The following TMTC1 variants were observed in gnomAD, a reference collection of about 807,000 sequenced individuals.
The protein encoded by TMTC1 is transmembrane O-mannosyltransferase targeting cadherins 1.
In TMTC1, 73 loss-of-function variants were observed where a neutral mutation model predicts 104.8. The ratio of observed to expected loss-of-function variants is 0.70; its 90% CI spans 0.58 to 0.85. The LOEUF is 0.85. TMTC1 is among the 40% of genes least tolerant of loss of function. TMTC1 has a pLI of 0.00. For missense variants in TMTC1, 1,035 were observed against 1,096.1 expected, an observed-to-expected ratio of 0.94 and a Z score of 0.79; for synonymous variants, 434 against 428.7, an observed-to-expected ratio of 1.01 and a Z score of -0.15.
intron 10 of TMTC1, among the ~76,000 whole-genome samples, chr12:29,543,205 T>C (rs527790171): frequency 2.6e-5 from 4 of 152,362 alleles, no homozygotes; most frequent in South Asian, 2.1e-4. Context: ...CTGTTTTTCC[T>C]GTGTGTTAAG....
chr12:29,692,316 G>A (rs538965398), intron 5 of TMTC1, among the ~76,000 whole-genome samples: 2 of 143,628 alleles, frequency 1.4e-5, no homozygotes, highest in African/African-American at 5.1e-5. Context: ...CTCCTCTATT[G>A]TTTGTTCTAT....
At position 29,506,020 on chromosome 12, in the gene TMTC1, A is replaced by G. The variant is rs966635128; in HGVS notation, c.*826T>C. On this transcript the variant is annotated 3_prime_UTR_variant, in exon 18 of 18. Coordinates refer to ENST00000539277, the MANE Select transcript of TMTC1 (RefSeq NM_001193451.2). ...TTTAATTTTTTATGTAGAATATACTATTTTTTTCTCCACCAAAATAACAAT... is the reference window on the plus strand; with the variant it reads ...TTTAATTTTTTATGTAGAATATACTGTTTTTTTCTCCACCAAAATAACAAT... The G allele has an allele frequency of 3.9e-5, 6 of 152,144 alleles. No homozygotes were observed. Among genetic ancestry groups the G allele is most frequent in the Non-Finnish European group, 5.9e-5 (4 of 68,016 alleles). 9.4% of individuals were successfully genotyped at this position (152,144 alleles called of 1,614,324 possible).
intron 6 of TMTC1, among the ~76,000 whole-genome samples, chr12:29,630,446 A>T (rs1938239291): frequency 6.6e-6 from 1 of 152,144 alleles, no homozygotes; most frequent in Non-Finnish European, 1.5e-5. Flanking sequence ...CCCATGAGTC[A>T]ATTACCTCTC....
chr12:29,782,165 C>CAAGG (rs1272121916), intron 1 of TMTC1, among the ~76,000 whole-genome samples: 22 of 152,352 alleles, frequency 1.4e-4, no homozygotes, highest in South Asian at 2.1e-4. Flanking sequence ...CGAGGTTAGC[C>CAAGG]AAGGTTATCT....
intron 8 of TMTC1, among the ~76,000 whole-genome samples, chr12:29,579,096 G>A (rs1016620826): frequency 1.4e-4 from 22 of 152,114 alleles, no homozygotes; most frequent in African/African-American, 4.8e-4. Flanking sequence ...CCAATAAATC[G>A]TTGAGCAGAT....
Position 29,692,545 on chromosome 12 carries a change from T to C in TMTC1, c.938+59121A>G, listed in dbSNP as rs1181012526. Among the ~76,000 whole-genome samples the C allele has an allele frequency of 1.4e-5, 2 of 145,282 alleles. 1 individual carries two copies. The highest frequency in any genetic ancestry group is 3.0e-5 in the Non-Finnish European group (2 of 66,270). ...GGAAACTGGAACCTTTATACATTAC[T>C]GGTAGGATATGTCAACTGGTACAAG... On this transcript the variant is annotated intron_variant, in intron 5 of 17. Coordinates refer to ENST00000539277, the MANE Select transcript of TMTC1 (RefSeq NM_001193451.2).
chr12:29,689,096 G>C (rs1022003950), intron 5 of TMTC1, among the ~76,000 whole-genome samples: 1 of 152,118 alleles, frequency 6.6e-6, no homozygotes, highest in African/African-American at 2.4e-5. Context: ...ACTATTTTAG[G>C]CCACACAGAT....
chr12:29,742,500 T>C (rs1021231272), intron 5 of TMTC1, among the ~76,000 whole-genome samples: 1 of 152,132 alleles, frequency 6.6e-6, no homozygotes, highest in Non-Finnish European at 1.5e-5. Flanking sequence ...ATAAATAGTA[T>C]CAAAAATTCA....
intron 2 of TMTC1, among the ~76,000 whole-genome samples, chr12:29,763,303 G>T (rs1257211729): frequency 6.6e-6 from 1 of 152,166 alleles, no homozygotes; most frequent in African/African-American, 2.4e-5. Flanking sequence ...AAACCACTAA[G>T]CATGCACTGA....
At chr12:29,728,607 T>C (rs1277608902) in intron 5 of TMTC1, among the ~76,000 whole-genome samples, 1 of 151,970 alleles carries the variant, frequency 6.6e-6, no homozygotes, top group East Asian at 1.9e-4. Context: ...CAGCATTTGG[T>C]AGAAACGCTG....
chr12:29,732,074 T>C (rs1942558698), intron 5 of TMTC1, among the ~76,000 whole-genome samples: 1 of 152,208 alleles, frequency 6.6e-6, no homozygotes, highest in Admixed American at 6.5e-5. Context: ...GTTGTAACTT[T>C]TTTTTAAAAG....
intron 8 of TMTC1, among the ~76,000 whole-genome samples, chr12:29,580,753 G>A (rs1005094764): frequency 6.6e-6 from 1 of 152,152 alleles, no homozygotes; most frequent in Admixed American, 6.6e-5. Context: ...AGACCTACAA[G>A]AGCATGATCC....
chr12:29,731,243 G>T (rs932638888), intron 5 of TMTC1, among the ~76,000 whole-genome samples: 1 of 152,116 alleles, frequency 6.6e-6, no homozygotes, highest in Middle Eastern at 3.2e-3. Context: ...TGCAACCTCC[G>T]CCTCCTGGAT....
intron 5 of TMTC1, among the ~76,000 whole-genome samples, chr12:29,633,858 T>C (rs1442357091): frequency 6.6e-6 from 1 of 152,152 alleles, no homozygotes; most frequent in East Asian, 1.9e-4. Flanking sequence ...ACAGGGACAA[T>C]GGATGGAGGA....
intron 7 of TMTC1, among the ~76,000 whole-genome samples, chr12:29,596,418 G>A (rs890374852): frequency 5.9e-5 from 9 of 152,110 alleles, no homozygotes; most frequent in Admixed American, 6.5e-5. Context: ...GTGATCCCAC[G>A]TCATTGTTCC....
At chr12:29,766,587 T>C (rs1490104295) in intron 2 of TMTC1, among the ~76,000 whole-genome samples, 1 of 152,176 alleles carries the variant, frequency 6.6e-6, no homozygotes, top group Non-Finnish European at 1.5e-5. Context: ...CAGAGGCTTG[T>C]ACACCTGGGG....
chr12:29,633,393 G>T, intron 5 of TMTC1, 57 bp from the exon 6 acceptor site: 1 of 1,409,744 alleles, frequency 7.1e-7, no homozygotes, highest in Non-Finnish European at 9.7e-7. Context: ...CATTCTGTAA[G>T]CGTTCAGTCA....
chr12:29,518,388 A>G (rs1944050988), intron 13 of TMTC1, 84 bp downstream of exon 13: 4 of 1,465,794 alleles, frequency 2.7e-6, no homozygotes, highest in Non-Finnish European at 3.6e-6. Context: ...TTCTGAGAGC[A>G]CACCTATTCT....
intron 5 of TMTC1, among the ~76,000 whole-genome samples, chr12:29,680,596 G>C (rs1001802751): frequency 1.3e-5 from 2 of 152,152 alleles, no homozygotes; most frequent in Non-Finnish European, 2.9e-5. Context: ...ATCCCTGATT[G>C]ATAAACTGCA....
Sources: gnomAD v4.1 joint callset for allele counts (sites outside exome capture counted in the v4.1 genomes callset) on GRCh38, gnomAD v4.1.1 for gene constraint, MANE v1.5 for transcripts, NCBI Gene and HGNC (gene_info 2026-07-23, HGNC 2026-07-21) for gene names.